Variants in NDE1 observed in about 807,000 individuals in gnomAD.
NDE1 encodes the protein nudE neurodevelopment protein 1.
NDE1 carries 28 observed loss-of-function variants against 43.4 expected under a neutral mutation model. The observed-to-expected ratio is 0.65, with a 90% CI of 0.48 to 0.89. The LOEUF is 0.89. Among genes scored for constraint, NDE1 ranks in the 40% least tolerant of loss-of-function variants. NDE1 has a pLI of 0.00. For missense variants in NDE1, 441 were observed against 434.1 expected, an observed-to-expected ratio of 1.02 and a Z score of -0.14; for synonymous variants, 184 against 172.0, an observed-to-expected ratio of 1.07 and a Z score of -0.55.
intron 4 of NDE1, 147 bp from the exon 5 acceptor site, chr16:15,687,228 G>A: frequency 1.3e-6 from 2 of 1,553,398 alleles, no homozygotes; most frequent in Non-Finnish European, 1.7e-6. Context: ...GAAGGTTAAG[G>A]GACTTGGCCC....
At chr16:15,678,886 C>T (rs1268638319) in intron 4 of NDE1, among the ~76,000 whole-genome samples, 3 of 151,992 alleles carry the variant, frequency 2.0e-5, no homozygotes, top group African/African-American at 7.2e-5. Flanking sequence ...ACCATCCTGG[C>T]TAACATGGTG....
chr16:15,645,039 C>T (rs1428168338), intron 1 of NDE1, among the ~76,000 whole-genome samples: 1 of 151,646 alleles, frequency 6.6e-6, no homozygotes, highest in Non-Finnish European at 1.5e-5. Context: ...CATGCCTCAG[C>T]CTCCTGAGTA....
chr16:15,698,603 A>G (rs2039111301), intron 8 of NDE1, among the ~76,000 whole-genome samples: 1 of 152,126 alleles, frequency 6.6e-6, no homozygotes, highest in Admixed American at 6.5e-5. Flanking sequence ...TCACACCTGT[A>G]ATCCCAGCAC....
chr16:15,689,441 A>G (rs1375153726), intron 5 of NDE1, among the ~76,000 whole-genome samples: 2 of 152,162 alleles, frequency 1.3e-5, no homozygotes, highest in African/African-American at 4.8e-5. Flanking sequence ...ACATTGAGCT[A>G]TGATTGTGCC....
chr16:15,681,319 G>A (rs192628753), intron 4 of NDE1, among the ~76,000 whole-genome samples: 47 of 116,128 alleles, frequency 4.0e-4, no homozygotes, highest in African/African-American at 1.4e-3. Flanking sequence ...AGAGTAGAGT[G>A]CCATGGTGCA....
intron 3 of NDE1, among the ~76,000 whole-genome samples, chr16:15,671,037 T>C (rs966101268): frequency 2.0e-5 from 3 of 152,210 alleles, no homozygotes; most frequent in African/African-American, 7.2e-5. Flanking sequence ...TCAGGGGTTT[T>C]TGTTCAGCAT....
chr16:15,685,667 A>G (rs922475436), intron 4 of NDE1, among the ~76,000 whole-genome samples: 1 of 152,174 alleles, frequency 6.6e-6, no homozygotes, highest in African/African-American at 2.4e-5. Context: ...TGTTGAATAA[A>G]TGAACTGATG....
Position 15,718,397 on chromosome 16 carries a change from A to G in NDE1, c.948-5794A>G, listed in dbSNP as rs794729642. 1.3e-6 allele frequency: 2 copies of G among 1,598,468 alleles called. No individual in the cohort carries two copies. Among genetic ancestry groups the G allele is most frequent in the Non-Finnish European group, 1.7e-6 (2 of 1,174,400 alleles). ...CTCCAGCTCCTCCTCCAGCTGGGCG[A>G]TCCGGGCCTCCAGGCGGCGCTTCTC... On this transcript the variant is annotated intron_variant, in intron 8 of 8. Coordinates refer to ENST00000396354, the MANE Select transcript of NDE1 (RefSeq NM_017668.3).
intron 8 of NDE1, among the ~76,000 whole-genome samples, chr16:15,697,668 G>A (rs2039075261): frequency 1.3e-5 from 2 of 152,100 alleles, no homozygotes; most frequent in African/African-American, 4.8e-5. Flanking sequence ...AGCCAAAATT[G>A]TGCCTCTGCA....
chr16:15,702,927 C>A (rs1220442762), intron 8 of NDE1, among the ~76,000 whole-genome samples: 3 of 152,222 alleles, frequency 2.0e-5, no homozygotes, highest in Non-Finnish European at 4.4e-5. Flanking sequence ...CCAGTAACCC[C>A]CTTAGACAGT....
chr16:15,705,699 C>T (rs929436496), intron 8 of NDE1, among the ~76,000 whole-genome samples: 1 of 151,984 alleles, frequency 6.6e-6, no homozygotes, highest in African/African-American at 2.4e-5. Context: ...AGGAACAACT[C>T]GGCTGGGCAT....
intron 4 of NDE1, among the ~76,000 whole-genome samples, chr16:15,683,921 G>C (rs1224004470): frequency 2.6e-5 from 4 of 152,040 alleles, no homozygotes; most frequent in Admixed American, 6.6e-5. Context: ...CAACTACTCG[G>C]GAGGTTGAGG....
At chr16:15,645,227 T>G (rs2036308306) in intron 1 of NDE1, among the ~76,000 whole-genome samples, 1 of 151,658 alleles carries the variant, frequency 6.6e-6, no homozygotes, top group Admixed American at 6.5e-5. Flanking sequence ...TTTCTTTATA[T>G]GTATATTTTT....
At chr16:15,645,427 T>C (rs1020787529), upstream of NDE1, among the ~76,000 whole-genome samples, 5 of 152,124 alleles carry the variant, frequency 3.3e-5, no homozygotes, top group Non-Finnish European at 4.4e-5. Flanking sequence ...GCTTGGTGTT[T>C]AAAACCAGCC....
At chr16:15,685,643 G>T (rs992615988) in intron 4 of NDE1, among the ~76,000 whole-genome samples, 4 of 152,130 alleles carry the variant, frequency 2.6e-5, no homozygotes, top group African/African-American at 9.7e-5. Flanking sequence ...ACTCCATCTA[G>T]ACATAGTAGG....
In NDE1 at chr16:15,650,267, C is replaced by G. The variant is rs753549088; in HGVS notation, c.-71C>G. The G allele has an allele frequency of 3.2e-6, 1 of 309,558 alleles. No homozygotes were observed. Among genetic ancestry groups the G allele is most frequent in the Non-Finnish European group, 6.7e-6 (1 of 150,238 alleles). The allele number at this position is 309,558 out of a possible 1,614,324, so 19.2% of individuals were successfully genotyped here. A position where few individuals can be genotyped will look rare whatever the true frequency, so the allele number is the denominator to read the frequency against. The stretch of plus-strand genomic sequence containing the variant: ...TTCGCAGCCGCCTCTGCCGCCGCCG[C>G]CGCGTTGGCCTCGCCGCCCCTGCTC... On this transcript the variant is annotated 5_prime_UTR_variant, in exon 1 of 9. Coordinates refer to ENST00000396354, the MANE Select transcript of NDE1 (RefSeq NM_017668.3).
At chr16:15,673,312 C>G (rs1014167404) in intron 3 of NDE1, among the ~76,000 whole-genome samples, 3 of 151,936 alleles carry the variant, frequency 2.0e-5, no homozygotes, top group Admixed American at 2.0e-4. Flanking sequence ...CGGGCTCAAG[C>G]GATTCCCCTG....
At position 15,725,149 on chromosome 16, in the gene NDE1, AC is replaced by A. The variant is rs375930766; in HGVS notation, c.*899del. The A allele has an allele frequency of 4.0e-3, 2,258 of 571,230 alleles. 3 individuals are homozygous for A. Among genetic ancestry groups the A allele is most frequent in the Middle Eastern group, 6.4e-3 (14 of 2,186 alleles). 35.4% of individuals were successfully genotyped at this position (571,230 alleles called of 1,614,324 possible). A position where few individuals can be genotyped will look rare whatever the true frequency, so the allele number is the denominator to read the frequency against. ...GGGACTCTGATAAAAAAAAAAAAAA[AC>A]ACACACACACACAAAAAAAACAGAA... On this transcript the variant is annotated 3_prime_UTR_variant, in exon 9 of 9. Coordinates refer to ENST00000396354, the MANE Select transcript of NDE1 (RefSeq NM_017668.3).
chr16:15,673,990 A>G (rs747324092), intron 3 of NDE1, among the ~76,000 whole-genome samples: 11 of 152,148 alleles, frequency 7.2e-5, no homozygotes, highest in Non-Finnish European at 1.0e-4. Flanking sequence ...ATTCTGGGCT[A>G]GTTAAGTAAT....
Sources: allele counts gnomAD v4.1 joint callset (sites outside exome capture counted in the v4.1 genomes callset), GRCh38; gene constraint gnomAD v4.1.1; transcripts MANE v1.5; gene names NCBI Gene and HGNC (gene_info 2026-07-23, HGNC 2026-07-21).